SYT2: variants seen among roughly 807,000 people sequenced by gnomAD.
SYT2 encodes synaptotagmin-2.
A neutral mutation model predicts 39.9 loss-of-function variants in SYT2; 15 were observed. The observed-to-expected ratio is 0.38, with a 90% CI of 0.25 to 0.58. The LOEUF (loss-of-function observed/expected upper bound fraction) is 0.58. Among genes scored for constraint, SYT2 ranks in the 20% least tolerant of loss-of-function variants. The pLI is 0.70. For missense variants in SYT2, 389 were observed against 530.3 expected (o/e 0.73, Z 2.62); for synonymous variants, 181 against 204.5 (o/e 0.89, Z 0.98).
At position 202,596,538 on chromosome 1, in the gene SYT2, A is replaced by C; in HGVS notation, c.*219T>G. On this transcript the variant is annotated 3_prime_UTR_variant, in exon 9 of 9. Coordinates refer to ENST00000367268, the MANE Select transcript of SYT2 (RefSeq NM_177402.5). ...AGCAAGGACAGCTCCTGGGACCGTG[A>C]ACAGAGCCAGGCTTCTCTTTCACCT... 1 of 532,530 alleles carries C rather than the reference A, an allele frequency of 1.9e-6. No homozygotes were observed. The highest frequency in any genetic ancestry group is 2.3e-5 in the South Asian group (1 of 43,518). 33.0% of individuals were successfully genotyped at this position (532,530 alleles called of 1,614,324 possible). A position where few individuals can be genotyped will look rare whatever the true frequency, so the allele number is the denominator to read the frequency against.
intron 1 of SYT2, among the ~76,000 whole-genome samples, chr1:202,641,586 C>A (rs558756604): frequency 3.3e-5 from 5 of 152,326 alleles, no homozygotes; most frequent in Non-Finnish European, 5.9e-5. Context: ...GAAGACAGAA[C>A]CAGAGTTCAT....
chr1:202,673,721 A>G (rs902181445), intron 1 of SYT2, among the ~76,000 whole-genome samples: 1 of 152,048 alleles, frequency 6.6e-6, no homozygotes, highest in Non-Finnish European at 1.5e-5. Context: ...CAGATTTACT[A>G]CTCTGTTCCC....
chr1:202,703,746 G>T (rs979263868), intron 1 of SYT2, among the ~76,000 whole-genome samples: 1 of 152,042 alleles, frequency 6.6e-6, no homozygotes, highest in Non-Finnish European at 1.5e-5. Context: ...GTCTACTCGG[G>T]TATGGAAAGG....
rs1690307518 is a variant in SYT2, at chr1:202,596,652, CAA to C, written c.*103_*104del. 8.7e-7 allele frequency: 1 copy of C among 1,147,652 alleles called. No individual in the cohort carries two copies. Among genetic ancestry groups the C allele is most frequent in the African/African-American group, 1.6e-5 (1 of 64,220 alleles). 71.1% of individuals were successfully genotyped at this position (1,147,652 alleles called of 1,614,324 possible). A position where few individuals can be genotyped will look rare whatever the true frequency, so the allele number is the denominator to read the frequency against. On this transcript the variant is annotated 3_prime_UTR_variant, in exon 9 of 9. Transcript: ENST00000367268. ...GAAAAACAAGGACACAACCACCCAA[CAA>C]ATGAAAGAAAAAAGAAAACCTCTAA...
At chr1:202,618,720 T>C (rs1337743712) in intron 1 of SYT2, among the ~76,000 whole-genome samples, 1 of 152,158 alleles carries the variant, frequency 6.6e-6, no homozygotes, top group Non-Finnish European at 1.5e-5. Context: ...CTGCTCAGCA[T>C]GTAGAGAACC....
intron 1 of SYT2, among the ~76,000 whole-genome samples, chr1:202,621,350 CA>C (rs1691198358): frequency 1.3e-5 from 2 of 152,112 alleles, no homozygotes; most frequent in South Asian, 4.1e-4. Flanking sequence ...GGCTGGAATA[CA>C]GGGCCGTGAT....
chr1:202,661,550 T>G (rs1161086015), intron 1 of SYT2, among the ~76,000 whole-genome samples: 1 of 152,188 alleles, frequency 6.6e-6, no homozygotes, highest in African/African-American at 2.4e-5. Context: ...TCCCTCGTGG[T>G]TGCCCTATGC....
chr1:202,679,323 A>G (rs1321796253), intron 1 of SYT2, among the ~76,000 whole-genome samples: 1 of 151,966 alleles, frequency 6.6e-6, no homozygotes, highest in Non-Finnish European at 1.5e-5. Context: ...CCCCCCACCA[A>G]TTGCAGCTGT....
chr1:202,621,140 G>A lies in SYT2; in HGVS notation c.-17-15351C>T, dbSNP rs562999002. Among the ~76,000 whole-genome samples, 7 of 152,244 alleles carry A rather than the reference G, an allele frequency of 4.6e-5. No homozygotes were observed. In the East Asian group the frequency reaches 7.7e-4, roughly 17 times the overall value. ...GAGCGGAGTTGGGAAAGGAGGAGCTGGAAAATATTTCACTGGGTATCTTTC... is the reference window on the plus strand; with the variant it reads ...GAGCGGAGTTGGGAAAGGAGGAGCTAGAAAATATTTCACTGGGTATCTTTC... On this transcript the variant is annotated intron_variant, in intron 1 of 8. Coordinates refer to ENST00000367268, the MANE Select transcript of SYT2 (RefSeq NM_177402.5).
Position 202,611,753 on chromosome 1 carries a change from C to T in SYT2, c.-17-5964G>A, listed in dbSNP as rs528707114. On this transcript the variant is annotated intron_variant, in intron 1 of 8. Coordinates refer to ENST00000367268, the MANE Select transcript of SYT2 (RefSeq NM_177402.5). ...TTCTTTTGCTGCCATATTTTTGGTGCTATATCCAAGAAACCATCACTAAAC... is the reference window on the plus strand; with the variant it reads ...TTCTTTTGCTGCCATATTTTTGGTGTTATATCCAAGAAACCATCACTAAAC... Among the ~76,000 whole-genome samples the T allele has an allele frequency of 2.0e-5, 3 of 152,304 alleles. No homozygotes were observed. The South Asian group carries it at 6.2e-4, about 32-fold the overall frequency.
At chr1:202,621,216 C>G (rs1691194643) in intron 1 of SYT2, among the ~76,000 whole-genome samples, 1 of 152,196 alleles carries the variant, frequency 6.6e-6, no homozygotes, top group African/African-American at 2.4e-5. Context: ...CTCTTCCACC[C>G]TCTGGTACTT....
intron 1 of SYT2, among the ~76,000 whole-genome samples, chr1:202,709,925 G>C (rs1235205277): frequency 2.0e-5 from 3 of 152,192 alleles, no homozygotes; most frequent in African/African-American, 7.2e-5. Flanking sequence ...AGAGGGACGG[G>C]GGCGCAGAGC....
intron 7 of SYT2, 70 bp downstream of exon 7, chr1:202,600,287 C>A: frequency 1.5e-6 from 2 of 1,324,716 alleles, no homozygotes; most frequent in Non-Finnish European, 2.2e-6. Flanking sequence ...CTGGAGTGTG[C>A]AAACTCTGGG....
At chr1:202,679,364 C>T (rs1379384815) in intron 1 of SYT2, among the ~76,000 whole-genome samples, 1 of 152,178 alleles carries the variant, frequency 6.6e-6, no homozygotes, top group East Asian at 1.9e-4. Context: ...GTAACTCAAA[C>T]TCCCCATATC....
chr1:202,697,295 AG>A (rs1356650608), intron 1 of SYT2, among the ~76,000 whole-genome samples: 1 of 152,194 alleles, frequency 6.6e-6, no homozygotes, highest in Non-Finnish European at 1.5e-5. Context: ...GGACCAGGAG[AG>A]GGGGCCAGCG....
In SYT2 at chr1:202,591,114, A is replaced by T. The variant is rs537964876; in HGVS notation, c.*5643T>A. 6.6e-6 allele frequency: 1 copy of T among 152,246 alleles called. No individual in the cohort carries two copies. The highest frequency in any genetic ancestry group is 2.1e-4 in the South Asian group (1 of 4,820). 9.4% of individuals were successfully genotyped at this position (152,246 alleles called of 1,614,324 possible). On this transcript the variant is annotated 3_prime_UTR_variant, in exon 9 of 9. Transcript: ENST00000367268. Reference sequence around the variant, plus strand: ...AAGCAAGACATGTCTTCACTGGTCCAAGCACCTGATTCCAGCCTGCTCTGA... The same window carrying T: ...AAGCAAGACATGTCTTCACTGGTCCTAGCACCTGATTCCAGCCTGCTCTGA...
At chr1:202,695,686 A>C (rs189807265) in intron 1 of SYT2, among the ~76,000 whole-genome samples, 3 of 152,332 alleles carry the variant, frequency 2.0e-5, no homozygotes, top group African/African-American at 7.2e-5. Context: ...TCCAGACAGC[A>C]CTGACATCAG....
intron 4 of SYT2, 32 bp downstream of exon 4, chr1:202,602,967 C>A (rs774475916): frequency 1.5e-6 from 2 of 1,331,594 alleles, no homozygotes; most frequent in Admixed American, 3.9e-5. Context: ...TCTCCCCATT[C>A]CCCCACTCTG....
intron 1 of SYT2, among the ~76,000 whole-genome samples, chr1:202,692,284 G>T (rs188142153): frequency 4.6e-5 from 7 of 152,132 alleles, no homozygotes; most frequent in Admixed American, 3.9e-4. Flanking sequence ...CCTATCCCCA[G>T]CTAAGCTCAC....
Sources: gnomAD v4.1 joint callset for allele counts (sites outside exome capture counted in the v4.1 genomes callset) on GRCh38, gnomAD v4.1.1 for gene constraint, MANE v1.5 for transcripts, NCBI Gene and HGNC (gene_info 2026-07-23, HGNC 2026-07-21) for gene names.